Variants in NTM observed in about 807,000 individuals in gnomAD.
NTM encodes the protein neurotrimin.
In NTM, 13 loss-of-function variants were observed where a neutral mutation model predicts 42.1. The observed-to-expected ratio is 0.31, with a 90% CI of 0.20 to 0.49. NTM has a LOEUF of 0.49. Ranked by LOEUF, NTM falls within the 20% of genes least tolerant of loss-of-function variation. The probability of loss-of-function intolerance (pLI) is 0.99; values close to 1 mark genes in which losing one functional copy is unlikely to be tolerated. For missense variants in NTM, 373 were observed against 452.8 expected, an observed-to-expected ratio of 0.82 and a Z score of 1.60; for synonymous variants, 187 against 179.2, an observed-to-expected ratio of 1.04 and a Z score of -0.35.
chr11:131,757,056 G>A (rs1292020554), intron 1 of NTM, among the ~76,000 whole-genome samples: 2 of 152,182 alleles, frequency 1.3e-5, no homozygotes, highest in Admixed American at 6.5e-5. Context: ...TTCAGCAGGG[G>A]CAGCCTGTCT....
intron 4 of NTM, among the ~76,000 whole-genome samples, chr11:132,256,818 G>T (rs2092515174): frequency 6.6e-6 from 1 of 152,172 alleles, no homozygotes; most frequent in Admixed American, 6.5e-5. Flanking sequence ...AGCCGCAGGA[G>T]AGTGGGCCTG....
At chr11:131,377,167 C>T (rs1179338549) in intron 1 of NTM, among the ~76,000 whole-genome samples, 1 of 152,168 alleles carries the variant, frequency 6.6e-6, no homozygotes, top group African/African-American at 2.4e-5. Context: ...AGAGGAGGTG[C>T]ACACCCTGGC....
At chr11:132,240,775 T>TA (rs1253875580) in intron 4 of NTM, among the ~76,000 whole-genome samples, 1 of 152,224 alleles carries the variant, frequency 6.6e-6, no homozygotes, top group Non-Finnish European at 1.5e-5. Context: ...CACGTTGAGA[T>TA]ATGTCGTCAG....
At chr11:132,163,471 G>A (rs1427349664) in intron 3 of NTM, among the ~76,000 whole-genome samples, 1 of 152,178 alleles carries the variant, frequency 6.6e-6, no homozygotes. Flanking sequence ...ACTAGATGAA[G>A]CTCATTATGC....
intron 2 of NTM, among the ~76,000 whole-genome samples, chr11:132,138,701 A>G (rs540952933): frequency 6.6e-6 from 1 of 152,242 alleles, no homozygotes; most frequent in African/African-American, 2.4e-5. Context: ...GCCTGAGACA[A>G]AGGAGCTGAT....
intron 1 of NTM, among the ~76,000 whole-genome samples, chr11:131,556,501 G>C (rs2055432372): frequency 6.6e-6 from 1 of 151,344 alleles, no homozygotes; most frequent in African/African-American, 2.4e-5. Context: ...ATTACTTAAA[G>C]TTTCTGTGCC....
chr11:132,125,606 ATG>A (rs888169382), intron 2 of NTM, among the ~76,000 whole-genome samples: 1 of 13,036 alleles, frequency 7.7e-5, no homozygotes, highest in African/African-American at 3.2e-4. Flanking sequence ...GTGGTGTGTG[ATG>A]TGTGTGGTGT....
chr11:131,742,558 C>A (rs575776537), intron 1 of NTM, among the ~76,000 whole-genome samples: 2 of 152,090 alleles, frequency 1.3e-5, no homozygotes, highest in East Asian at 3.9e-4. Context: ...TTGTGAATTA[C>A]ATAGAATCTA....
At chr11:132,321,841 C>T (rs2095575628) in intron 7 of NTM, among the ~76,000 whole-genome samples, 1 of 149,264 alleles carries the variant, frequency 6.7e-6, no homozygotes, top group African/African-American at 2.5e-5. Flanking sequence ...CGGCAGAAAC[C>T]CTACAAGCCA....
At chr11:132,239,204 A>G (rs1373116126) in intron 4 of NTM, among the ~76,000 whole-genome samples, 2 of 152,236 alleles carry the variant, frequency 1.3e-5, no homozygotes, top group African/African-American at 4.8e-5. Flanking sequence ...TTACCAATTG[A>G]GAAAGAATCG....
rs1407978380 is a variant in NTM at position 131,907,342 on chromosome 11, A to C, written c.83-4222A>C. Among the ~76,000 whole-genome samples the C allele has an allele frequency of 3.3e-5, 5 of 152,198 alleles. No homozygotes were observed. In the East Asian group the frequency reaches 9.6e-4, roughly 29 times the overall value. Reference sequence around the variant, plus strand: ...AGCCCTGCTTCAGTGTACAGATGCCAGGGTTGCCTGAAGTCTCCATCTACT... The same window carrying C: ...AGCCCTGCTTCAGTGTACAGATGCCCGGGTTGCCTGAAGTCTCCATCTACT... On this transcript the variant is annotated intron_variant, in intron 1 of 8. Transcript: ENST00000683400.
chr11:132,313,082 G>T (rs1591936578), intron 6 of NTM, among the ~76,000 whole-genome samples: 1 of 152,100 alleles, frequency 6.6e-6, no homozygotes, highest in African/African-American at 2.4e-5. Context: ...TCTGATCAAG[G>T]TTACTGTAAG....
intron 1 of NTM, among the ~76,000 whole-genome samples, chr11:131,744,586 T>C (rs2081572039): frequency 6.6e-6 from 1 of 152,118 alleles, no homozygotes; most frequent in Non-Finnish European, 1.5e-5. Flanking sequence ...AGAAGTCTAT[T>C]AAGGAATTGG....
chr11:132,327,162 T>C (rs1354537642), intron 7 of NTM, among the ~76,000 whole-genome samples: 1 of 152,222 alleles, frequency 6.6e-6, no homozygotes, highest in Non-Finnish European at 1.5e-5. Flanking sequence ...TGTTCCACCA[T>C]CCCTCACTGG....
intron 1 of NTM, among the ~76,000 whole-genome samples, chr11:131,668,741 C>G (rs1344824000): frequency 6.6e-6 from 1 of 152,158 alleles, no homozygotes; most frequent in Non-Finnish European, 1.5e-5. Context: ...AGTGACAAGG[C>G]AGTGTAATGA....
intron 2 of NTM, among the ~76,000 whole-genome samples, chr11:132,119,985 T>C (rs1377997380): frequency 6.6e-6 from 1 of 152,202 alleles, no homozygotes; most frequent in African/African-American, 2.4e-5. Context: ...CCATCAGAGC[T>C]AGAGAGAAGG....
intron 1 of NTM, among the ~76,000 whole-genome samples, chr11:131,739,666 G>A (rs1014610383): frequency 7.9e-5 from 12 of 152,304 alleles, no homozygotes; most frequent in Admixed American, 6.5e-4. Flanking sequence ...TTTACTTCCA[G>A]TGGATGAATG....
At chr11:131,969,404 A>G (rs553417385) in intron 2 of NTM, among the ~76,000 whole-genome samples, 2 of 152,352 alleles carry the variant, frequency 1.3e-5, no homozygotes, top group Admixed American at 6.5e-5. Context: ...TGTACTCTGT[A>G]TGAATCATAT....
intron 1 of NTM, among the ~76,000 whole-genome samples, chr11:131,458,550 T>A (rs1177892748): frequency 1.3e-5 from 2 of 152,212 alleles, no homozygotes; most frequent in African/African-American, 4.8e-5. Flanking sequence ...TTTCTCCTTC[T>A]AACACCCAGC....
Sources: allele counts gnomAD v4.1 joint callset (sites outside exome capture counted in the v4.1 genomes callset), GRCh38; gene constraint gnomAD v4.1.1; transcripts MANE v1.5; gene names NCBI Gene and HGNC (gene_info 2026-07-23, HGNC 2026-07-21).